ACSBG1: variants seen among roughly 807,000 people sequenced by gnomAD.
ACSBG1 encodes the protein acyl-CoA synthetase bubblegum family member 1.
A neutral mutation model predicts 80.2 loss-of-function variants in ACSBG1; 39 were observed. That is an observed-to-expected ratio of 0.49 (90% CI 0.38 to 0.64). The LOEUF is 0.64. ACSBG1 is among the 30% of genes least tolerant of loss of function. ACSBG1 has a pLI of 0.00. For missense variants in ACSBG1, 828 were observed against 966.4 expected (o/e 0.86, Z 1.90); for synonymous variants, 392 against 379.5 (o/e 1.03, Z -0.38).
At chr15:78,201,759 C>T (rs2075170586) in intron 2 of ACSBG1, among the ~76,000 whole-genome samples, 1 of 152,216 alleles carries the variant, frequency 6.6e-6, no homozygotes, top group Admixed American at 6.5e-5. Context: ...AGGGCTGGGC[C>T]TGGGTTTTAG....
Position 78,179,405 on chromosome 15 carries a change from CAG to C in ACSBG1, c.1484+143_1484+144del. On this transcript the variant is annotated intron_variant, in intron 10 of 13. Transcript: ENST00000258873. ...GGCCCAAGATGGCATTGTTGGCTCTCAGGGGCTCCATAGCCCAGTGGCCAGGT... is the reference window on the plus strand; with the variant it reads ...GGCCCAAGATGGCATTGTTGGCTCTCGGGCTCCATAGCCCAGTGGCCAGGT... 5 of 717,372 alleles carry C rather than the reference CAG, an allele frequency of 7.0e-6. No homozygotes were observed. The South Asian group carries it at 9.5e-5, about 14-fold the overall frequency. 44.4% of individuals were successfully genotyped at this position (717,372 alleles called of 1,614,324 possible). A position where few individuals can be genotyped will look rare whatever the true frequency, so the allele number is the denominator to read the frequency against.
intron 5 of ACSBG1, among the ~76,000 whole-genome samples, chr15:78,190,818 A>G (rs1290192492): frequency 6.6e-6 from 1 of 152,172 alleles, no homozygotes; most frequent in African/African-American, 2.4e-5. Flanking sequence ...ATAGTAACAA[A>G]GGATAGCTAA....
intron 11 of ACSBG1, among the ~76,000 whole-genome samples, chr15:78,176,127 C>T (rs1404442351): frequency 1.3e-5 from 2 of 152,036 alleles, no homozygotes; most frequent in African/African-American, 4.8e-5. Context: ...AGGCTGGTCT[C>T]GAATTCCTGA....
chr15:78,191,449 G>A (rs1388630734), intron 5 of ACSBG1, among the ~76,000 whole-genome samples: 1 of 152,102 alleles, frequency 6.6e-6, no homozygotes, highest in African/African-American at 2.4e-5. Context: ...GCCAACAACT[G>A]CAGAGTACAC....
Position 78,173,826 on chromosome 15 carries a change from G to A in ACSBG1, c.1856C>T (p.Pro619Leu), listed in dbSNP as rs574260113. ...ATTATCAGTCTGGTCAGAGGTGTCT[G>A]GGTCCAGAGTGCACTGAAAAGCCAG... ...MLLTLKCTLD[P>L]DTSDQTDNLT... The change falls in exon 13 of 14, where the codon CCA becomes CTA. Residue 619 changes from proline to leucine, a missense_variant. Physicochemically the swap from Pro to Leu is moderately conservative, Grantham distance 98. Coordinates refer to ENST00000258873, the MANE Select transcript of ACSBG1 (RefSeq NM_015162.5). 1 of 1,613,926 alleles carries A rather than the reference G, an allele frequency of 6.2e-7. No homozygotes were observed. Among genetic ancestry groups the A allele is most frequent in the East Asian group, 2.2e-5 (1 of 44,886 alleles).
At chr15:78,226,009 G>A (rs1440676809) in intron 1 of ACSBG1, among the ~76,000 whole-genome samples, 2 of 152,146 alleles carry the variant, frequency 1.3e-5, no homozygotes, top group African/African-American at 2.4e-5. Context: ...AGCTAGAGGT[G>A]TCCCTCAGGT....
chr15:78,177,847 C>A lies in ACSBG1; in HGVS notation c.1702+767G>T, dbSNP rs2074898023. ...GTGGATGCTGCGGGCATGACACCAA[C>A]TTGGGTGAAGCAGGCAGAACATTCT... On this transcript the variant is annotated intron_variant, in intron 11 of 13. Transcript: ENST00000258873. The surrounding 1 kb of genome is among the most constrained non-coding windows in gnomAD (Gnocchi z 4.1). Among the ~76,000 whole-genome samples the A allele has an allele frequency of 6.6e-6, 1 of 152,172 alleles. No homozygotes were observed. Among genetic ancestry groups the A allele is most frequent in the Non-Finnish European group, 1.5e-5 (1 of 68,012 alleles).
At chr15:78,176,834 C>A (rs540319189) in intron 11 of ACSBG1, among the ~76,000 whole-genome samples, 3 of 151,932 alleles carry the variant, frequency 2.0e-5, no homozygotes, top group Non-Finnish European at 2.9e-5. Context: ...GAGGCTGGAC[C>A]GGAGGATCAC....
intron 2 of ACSBG1, among the ~76,000 whole-genome samples, chr15:78,202,249 TC>T (rs2075176099): frequency 6.6e-6 from 1 of 152,110 alleles, no homozygotes; most frequent in Non-Finnish European, 1.5e-5. Flanking sequence ...TCTTGCTCTG[TC>T]ACCAGGCTGG....
chr15:78,178,823 T>C lies in ACSBG1; in HGVS notation c.1493A>G (p.Lys498Arg), dbSNP rs763417842. ...PYNYRLYSSG[K>R]LVPGCRVKLV... Reference sequence around the variant, plus strand: ...CTTCACCCGACAGCCGGGCACCAACTTGCCTGAGCTGGCGAGGGAGGGGCC... The same window carrying C: ...CTTCACCCGACAGCCGGGCACCAACCTGCCTGAGCTGGCGAGGGAGGGGCC... The change falls in exon 11 of 14, where the codon AAG becomes AGG. Residue 498 changes from lysine to arginine, a missense_variant. Physicochemically the swap from Lys to Arg is conservative, Grantham distance 26. This residue lies in a region of ACSBG1 where 271 missense variants were observed against 375.9 expected (regional missense o/e 0.72). Coordinates refer to ENST00000258873, the MANE Select transcript of ACSBG1 (RefSeq NM_015162.5). The surrounding 1 kb of genome is among the most constrained non-coding windows in gnomAD (Gnocchi z 4.3). 17 of 1,611,364 alleles carry C rather than the reference T, an allele frequency of 1.1e-5. No individual in the cohort carries two copies. The Admixed American group carries it at 2.7e-4, about 25-fold the overall frequency.
chr15:78,194,988 A>C (rs1431169028), intron 2 of ACSBG1, among the ~76,000 whole-genome samples: 2 of 152,230 alleles, frequency 1.3e-5, no homozygotes, highest in Non-Finnish European at 2.9e-5. Flanking sequence ...GACAGACGGA[A>C]GTCCTAGACA....
chr15:78,179,538 C>T lies in ACSBG1; in HGVS notation c.1484+12G>A, dbSNP rs2074918738. The T allele has an allele frequency of 3.1e-6, 5 of 1,605,406 alleles. No individual in the cohort carries two copies. ...CATGGGTGTGCATGTGTGTGGCAGC[C>T]TCGAGCCTCACCTGTACAGCCGGTA... On this transcript the variant is annotated intron_variant, in intron 10 of 13. Coordinates refer to ENST00000258873, the MANE Select transcript of ACSBG1 (RefSeq NM_015162.5).
At chr15:78,212,454 C>G (rs753589759) in intron 1 of ACSBG1, 3 of 427,460 alleles carry the variant, frequency 7.0e-6, no homozygotes, top group Non-Finnish European at 1.4e-5. Context: ...AACCCTAAAC[C>G]CAAGTCTGGG....
At chr15:78,199,658 C>CA (rs2075148305) in intron 2 of ACSBG1, among the ~76,000 whole-genome samples, 1 of 138,286 alleles carries the variant, frequency 7.2e-6, no homozygotes, top group Non-Finnish European at 1.6e-5. Flanking sequence ...CCATTCCCAG[C>CA]TTTTTTTTTT....
intron 1 of ACSBG1, among the ~76,000 whole-genome samples, chr15:78,224,118 T>C (rs747453024): frequency 1.3e-5 from 2 of 152,174 alleles, no homozygotes; most frequent in Admixed American, 1.3e-4. Context: ...TTTGTGGTAA[T>C]TGTTACAGTG....
At chr15:78,201,823 C>G (rs2141359312) in intron 2 of ACSBG1, among the ~76,000 whole-genome samples, 1 of 152,348 alleles carries the variant, frequency 6.6e-6, no homozygotes, top group African/African-American at 2.4e-5. Flanking sequence ...GGGTTGCCCA[C>G]AGCTGTTGAG....
intron 2 of ACSBG1, among the ~76,000 whole-genome samples, chr15:78,202,743 C>A: frequency 6.6e-6 from 1 of 152,162 alleles, no homozygotes; most frequent in East Asian, 1.9e-4. Context: ...GGGCAACTGG[C>A]AATATATATC....
At position 78,208,121 on chromosome 15, in the gene ACSBG1, C is replaced by A. The variant is rs1219257737; in HGVS notation, c.132-19G>T. The A allele has an allele frequency of 6.2e-7, 1 of 1,600,860 alleles. No individual in the cohort carries two copies. Among genetic ancestry groups the A allele is most frequent in the Non-Finnish European group, 8.5e-7 (1 of 1,169,684 alleles). On this transcript the variant is annotated intron_variant, in intron 1 of 13. Coordinates refer to ENST00000258873, the MANE Select transcript of ACSBG1 (RefSeq NM_015162.5). ...CAGTGAGCTGGGGTGGTGAGGGGACCAGGAAAAACATTCATTAGAACGTGG... is the reference window on the plus strand; with the variant it reads ...CAGTGAGCTGGGGTGGTGAGGGGACAAGGAAAAACATTCATTAGAACGTGG...
At position 78,212,745 on chromosome 15, in the gene ACSBG1, G is replaced by A. The variant is rs997599337; in HGVS notation, c.132-4643C>T. Reference sequence around the variant, plus strand: ...GACCGCCCTGCAACAGAGATACAGCGTGAGTCACCGCTGGCAGCCTGGCTG... The same window carrying A: ...GACCGCCCTGCAACAGAGATACAGCATGAGTCACCGCTGGCAGCCTGGCTG... On this transcript the variant is annotated intron_variant, in intron 1 of 13. Coordinates refer to ENST00000258873, the MANE Select transcript of ACSBG1 (RefSeq NM_015162.5). 100 of 351,034 alleles carry A rather than the reference G, an allele frequency of 2.8e-4. 1 individual carries two copies. Among genetic ancestry groups the A allele is most frequent in the African/African-American group, 1.3e-3 (62 of 47,296 alleles). 21.7% of individuals were successfully genotyped at this position (351,034 alleles called of 1,614,324 possible).
Sources: allele counts gnomAD v4.1 joint callset (sites outside exome capture counted in the v4.1 genomes callset), GRCh38; gene constraint gnomAD v4.1.1; regional missense constraint gnomAD v4.1.1; non-coding constraint Gnocchi (gnomAD v3.1); transcripts MANE v1.5; gene names NCBI Gene and HGNC (gene_info 2026-07-23, HGNC 2026-07-21).